BAD: variants seen among roughly 807,000 people sequenced by gnomAD.
BAD encodes BCL2 associated agonist of cell death, also known as bcl2-associated agonist of cell death.
In BAD, 18 loss-of-function variants were observed where a neutral mutation model predicts 17.8. The ratio of observed to expected loss-of-function variants is 1.01; its 90% CI spans 0.70 to 1.50. The LOEUF is 1.50. BAD is among the 40% of genes most tolerant of loss of function. The probability of loss-of-function intolerance (pLI) is 0.00; values close to 1 mark genes in which losing one functional copy is unlikely to be tolerated. For synonymous variants in BAD, 112 were observed against 91.5 expected (o/e 1.22, Z -1.28); for missense variants, 294 against 239.3 (o/e 1.23, Z -1.51).
intron 2 of BAD, 31 bp from the exon 3 acceptor site, chr11:64,271,834 G>A (rs775520103): frequency 6.6e-6 from 9 of 1,357,046 alleles, no homozygotes; most frequent in Non-Finnish European, 7.6e-6. Context: ...GGGGGGCGAC[G>A]TTAATCTCAG....
intron 2 of BAD, 79 bp from the exon 3 acceptor site, chr11:64,271,882 T>C: frequency 8.3e-7 from 1 of 1,209,174 alleles, no homozygotes; most frequent in Non-Finnish European, 1.1e-6. Context: ...ACCCTCCCCA[T>C]CAGCTCTGCA....
At chr11:64,271,835 T>A (rs1181278791) in intron 2 of BAD, 32 bp from the exon 3 acceptor site, 1 of 1,357,342 alleles carries the variant, frequency 7.4e-7, no homozygotes, top group East Asian at 2.9e-5. Flanking sequence ...GGGGGCGACG[T>A]TAATCTCAGC....
intron 2 of BAD, among the ~76,000 whole-genome samples, chr11:64,276,070 C>T (rs1424069277): frequency 6.6e-6 from 1 of 152,116 alleles, no homozygotes; most frequent in Admixed American, 6.5e-5. Context: ...AGGCTCCTTC[C>T]AGCTGTACCT....
intron 2 of BAD, chr11:64,272,586 G>A (rs989960988): frequency 1.3e-5 from 2 of 152,230 alleles, no homozygotes; most frequent in Admixed American, 6.5e-5. Context: ...AACTGTTGAC[G>A]TTTTTAGGTA....
Position 64,284,476 on chromosome 11 carries a change from G to GC in BAD, c.-8-101dup, listed in dbSNP as rs1285317010. On this transcript the variant is annotated intron_variant, in intron 1 of 3. Coordinates refer to ENST00000309032, the MANE Select transcript of BAD (RefSeq NM_032989.3). The stretch of plus-strand genomic sequence containing the variant: ...CCCTGGCTTCCTCTCCCACCGTAGC[G>GC]CCCCCAGGCCCGCCAGGCCTCCTGG... The GC allele has an allele frequency of 1.9e-6, 3 of 1,590,024 alleles. No homozygotes were observed. The Admixed American group carries it at 5.1e-5, about 27-fold the overall frequency.
chr11:64,273,335 T>C (rs975185896), intron 2 of BAD, among the ~76,000 whole-genome samples: 2 of 152,156 alleles, frequency 1.3e-5, no homozygotes, highest in Admixed American at 6.6e-5. Flanking sequence ...ATTGTGCCAC[T>C]GCACTCCAGC....
At chr11:64,270,496 G>T in intron 3 of BAD, 159 bp from the exon 4 acceptor site, 1 of 958,052 alleles carries the variant, frequency 1.0e-6, no homozygotes, top group Non-Finnish European at 1.5e-6. Flanking sequence ...GGACGCTCGC[G>T]AGGACGCATG....
Position 64,270,008 on chromosome 11 carries a change from C to A in BAD, c.*201G>T. The A allele has an allele frequency of 9.6e-7, 1 of 1,044,594 alleles. No homozygotes were observed. The highest frequency in any genetic ancestry group is 2.3e-5 in the Admixed American group (1 of 44,128). The allele number at this position is 1,044,594 out of a possible 1,614,324, so 64.7% of individuals were successfully genotyped here. On this transcript the variant is annotated 3_prime_UTR_variant, in exon 4 of 4. Transcript: ENST00000309032. ...CGGAGCCACTTCCGGCGGCTGTGGG[C>A]GGAAAACCCAAAACTTCCGATGGGA...
At chr11:64,284,669 G>T (rs545065054), upstream of BAD, 7 of 1,535,056 alleles carry the variant, frequency 4.6e-6, no homozygotes, top group African/African-American at 8.2e-5. Context: ...CGGGCCTGCC[G>T]CCTCCCTCCA....
intron 2 of BAD, among the ~76,000 whole-genome samples, chr11:64,281,158 G>A (rs192079652): frequency 2.4e-4 from 37 of 152,122 alleles, no homozygotes; most frequent in Non-Finnish European, 4.1e-4. Flanking sequence ...TAGTGGAGAC[G>A]GGGTTCACCG....
chr11:64,274,413 G>A (rs998566437), intron 2 of BAD, among the ~76,000 whole-genome samples: 2 of 151,432 alleles, frequency 1.3e-5, no homozygotes, highest in Non-Finnish European at 2.9e-5. Flanking sequence ...GCAAGTAGGC[G>A]CAGTGGCTCA....
Position 64,280,492 on chromosome 11 carries a change from T to C in BAD, c.187+3690A>G, listed in dbSNP as rs1294636316. On this transcript the variant is annotated intron_variant, in intron 2 of 3. Coordinates refer to ENST00000309032, the MANE Select transcript of BAD (RefSeq NM_032989.3). ...TCAGCCTCCCGAGTAGCTGGGACTA[T>C]AGGCACCCACCACCACGCCCGGCTA... is the stretch of plus-strand genomic sequence containing the variant. Among the ~76,000 whole-genome samples the C allele has an allele frequency of 8.4e-3, 1,148 of 136,424 alleles. 18 individuals carry two copies. The highest frequency in any genetic ancestry group is 0.029 in the African/African-American group (1,086 of 36,816). 89.5% of individuals were successfully genotyped at this position (136,424 alleles called of 152,430 possible). A position where few individuals can be genotyped will look rare whatever the true frequency, so the allele number is the denominator to read the frequency against.
intron 2 of BAD, among the ~76,000 whole-genome samples, chr11:64,273,081 AAAG>A (rs1279428526): frequency 3.3e-5 from 5 of 152,122 alleles, no homozygotes; most frequent in African/African-American, 1.2e-4. Flanking sequence ...AAAATTAATA[AAAG>A]AAGGCCAGAC....
chr11:64,282,315 G>A (rs2033532313), intron 2 of BAD, among the ~76,000 whole-genome samples: 1 of 152,186 alleles, frequency 6.6e-6, no homozygotes, highest in Non-Finnish European at 1.5e-5. Context: ...AAAGAAAGCT[G>A]TGGAGGCTGA....
intron 3 of BAD, 113 bp downstream of exon 3, chr11:64,271,500 G>A: frequency 8.8e-7 from 1 of 1,130,608 alleles, no homozygotes; most frequent in East Asian, 3.2e-5. Context: ...GGACGGCTTT[G>A]GGGAGGGGTC....
chr11:64,281,960 A>C (rs991110323), intron 2 of BAD, among the ~76,000 whole-genome samples: 1 of 151,936 alleles, frequency 6.6e-6, no homozygotes, highest in Non-Finnish European at 1.5e-5. Flanking sequence ...ACCTTGTGAT[A>C]CGCCCACCTA....
At chr11:64,283,040 C>T (rs761349873) in intron 2 of BAD, among the ~76,000 whole-genome samples, 4 of 152,184 alleles carry the variant, frequency 2.6e-5, no homozygotes, top group African/African-American at 7.2e-5. Context: ...GGTGATAGAG[C>T]GAGACCCTGT....
At chr11:64,271,527 G>A (rs971597516) in intron 3 of BAD, 86 bp downstream of exon 3, 3 of 1,306,534 alleles carry the variant, frequency 2.3e-6, no homozygotes, top group Non-Finnish European at 3.0e-6. Flanking sequence ...CTCCAGATCC[G>A]GGCGTGCCTT....
Position 64,276,628 on chromosome 11 carries a change from T to C in BAD, c.188-4825A>G, listed in dbSNP as rs2033087406. The C allele has an allele frequency of 8.2e-6, 3 of 366,284 alleles. No homozygotes were observed. The South Asian group carries it at 1.1e-4, about 14-fold the overall frequency. The allele number at this position is 366,284 out of a possible 1,614,324, so 22.7% of individuals were successfully genotyped here. A position where few individuals can be genotyped will look rare whatever the true frequency, so the allele number is the denominator to read the frequency against. ...AGGCGTGAGCCACGGTGCCCAGCCC[T>C]AAATTGAATTTTTAAAAAGTGTTCT... On this transcript the variant is annotated intron_variant, in intron 2 of 3. Coordinates refer to ENST00000309032, the MANE Select transcript of BAD (RefSeq NM_032989.3).
Sources: gnomAD v4.1 joint callset for allele counts (sites outside exome capture counted in the v4.1 genomes callset) on GRCh38, gnomAD v4.1.1 for gene constraint, MANE v1.5 for transcripts, NCBI Gene and HGNC (gene_info 2026-07-23, HGNC 2026-07-21) for gene names.